The following NEXMIF variants were observed in gnomAD, a reference collection of about 807,000 sequenced individuals.
The protein encoded by NEXMIF is XLMR protein related to neurite extension.
Under a neutral mutation model 62.1 loss-of-function variants are expected in NEXMIF, and 8 were observed. The ratio of observed to expected loss-of-function variants is 0.13; its 90% CI spans 0.08 to 0.23. The LOEUF is 0.23. NEXMIF is among the 10% of genes least tolerant of loss of function. The pLI, the probability that NEXMIF is intolerant of heterozygous loss-of-function variation, is 1.00. For missense variants in NEXMIF, 976 were observed against 1,113.3 expected (o/e 0.88, Z 1.75); for synonymous variants, 404 against 416.6 (o/e 0.97, Z 0.37).
At chrX:74,879,890 C>T (rs1247837192) in intron 1 of NEXMIF, among the ~76,000 whole-genome samples, 1 of 111,898 alleles carries the variant, frequency 8.9e-6, no homozygotes, top group Admixed American at 9.5e-5. Flanking sequence ...AATCACCTAA[C>T]GCTTGGGATT....
At chrX:74,796,190 T>TTATATATATAATATATATTA (rs1489336352) in intron 1 of NEXMIF, among the ~76,000 whole-genome samples, 1 of 56,697 alleles carries the variant, frequency 1.8e-5, no homozygotes, top group East Asian at 4.1e-4. Flanking sequence ...TACATATATA[T>TTATATATATAATATATATTA]TATATATATA....
intron 1 of NEXMIF, among the ~76,000 whole-genome samples, chrX:74,880,208 A>T (rs1022964669): frequency 3.6e-5 from 4 of 112,110 alleles, no homozygotes; most frequent in African/African-American, 9.7e-5. Context: ...ATTGTGAATA[A>T]ACACTCTCTA....
intron 1 of NEXMIF, among the ~76,000 whole-genome samples, chrX:74,791,036 G>C (rs1437821808): frequency 2.7e-5 from 3 of 110,533 alleles, no homozygotes; most frequent in African/African-American, 6.6e-5. Flanking sequence ...GGTGAGAGAC[G>C]GCATCCCTGT....
rs764186197 is a variant in NEXMIF at position 74,847,757 on chromosome X, T to C, written c.-48+77126A>G. ...CATGCAGTCTTTAACACCTTCTTCA[T>C]TATTTTTAAAAAGTATCCATGTCAA... On this transcript the variant is annotated intron_variant, in intron 1 of 3. Coordinates refer to ENST00000055682, the MANE Select transcript of NEXMIF (RefSeq NM_001008537.3). 4.3e-4 allele frequency among the ~76,000 whole-genome samples: 48 copies of C among 111,816 alleles called. No individual in the cohort carries two copies. The Middle Eastern group carries it at 0.019, about 43-fold the overall frequency.
At position 74,903,127 on chromosome X, in the gene NEXMIF, A is replaced by G. The variant is rs1378000413; in HGVS notation, c.-48+21756T>C. On this transcript the variant is annotated intron_variant, in intron 1 of 3. Transcript: ENST00000055682. ...CATTGGTTTCTACAACCTGGAAGCA[A>G]GAGCACCCTATGGCCTAGCAAATAC... Among the ~76,000 whole-genome samples, 23 of 111,493 alleles carry G rather than the reference A, an allele frequency of 2.1e-4. No homozygotes were observed. The Admixed American group carries it at 2.2e-3, about 11-fold the overall frequency.
intron 1 of NEXMIF, among the ~76,000 whole-genome samples, chrX:74,872,199 G>A (rs979669929): frequency 4.5e-5 from 5 of 110,851 alleles, no homozygotes; most frequent in African/African-American, 9.8e-5. Context: ...CTGACTTCCC[G>A]CAACAAAAAT....
At chrX:74,887,142 A>G (rs1040628655) in intron 1 of NEXMIF, among the ~76,000 whole-genome samples, 1 of 112,462 alleles carries the variant, frequency 8.9e-6, no homozygotes, top group African/African-American at 3.2e-5. Context: ...CTTATACAAA[A>G]ATTAATTCAA....
At chrX:74,828,608 A>G (rs2080425943) in intron 1 of NEXMIF, among the ~76,000 whole-genome samples, 1 of 111,871 alleles carries the variant, frequency 8.9e-6, no homozygotes, top group African/African-American at 3.3e-5. Context: ...ACTTTAAGCA[A>G]TAGGAATATG....
At chrX:74,772,972 ATAGAT>A (rs902136322) in intron 1 of NEXMIF, among the ~76,000 whole-genome samples, 5 of 112,429 alleles carry the variant, frequency 4.4e-5, no homozygotes, top group African/African-American at 1.6e-4. Flanking sequence ...AGGAGAAAAC[ATAGAT>A]TAAAGTCTGC....
At chrX:74,785,076 G>A (rs1602226396) in intron 1 of NEXMIF, among the ~76,000 whole-genome samples, 1 of 111,214 alleles carries the variant, frequency 9.0e-6, no homozygotes, top group East Asian at 2.8e-4. Context: ...GGTATCCTCC[G>A]GTCTCTGACT....
At chrX:74,830,876 GCTA>G (rs2080434006) in intron 1 of NEXMIF, among the ~76,000 whole-genome samples, 2 of 111,540 alleles carry the variant, frequency 1.8e-5, no homozygotes, top group Non-Finnish European at 3.8e-5. Flanking sequence ...ATATAGAAAT[GCTA>G]CTGATTTTTG....
chrX:74,851,114 C>T (rs1323654429), intron 1 of NEXMIF, among the ~76,000 whole-genome samples: 7 of 109,291 alleles, frequency 6.4e-5, no homozygotes, highest in Admixed American at 2.0e-4. Flanking sequence ...CTAGATCAAG[C>T]AGAAGAAAAA....
intron 1 of NEXMIF, among the ~76,000 whole-genome samples, chrX:74,754,969 G>C (rs1317916683): frequency 8.9e-6 from 1 of 112,121 alleles, no homozygotes; most frequent in African/African-American, 3.2e-5. Flanking sequence ...AGCTGTTACA[G>C]GTAACTGGGA....
intron 1 of NEXMIF, among the ~76,000 whole-genome samples, chrX:74,819,580 G>GA (rs974125825): frequency 8.9e-6 from 1 of 111,895 alleles, no homozygotes; most frequent in Non-Finnish European, 1.9e-5. Flanking sequence ...ATAAACATCT[G>GA]AAAAAAAGCT....
intron 1 of NEXMIF, among the ~76,000 whole-genome samples, chrX:74,793,594 C>T (rs1238807774): frequency 9.0e-6 from 1 of 110,710 alleles, no homozygotes; most frequent in African/African-American, 3.3e-5. Context: ...TCCATTCTCC[C>T]CGTCACTTTC....
At chrX:74,893,814 G>A (rs1285704023) in intron 1 of NEXMIF, among the ~76,000 whole-genome samples, 2 of 112,065 alleles carry the variant, frequency 1.8e-5, no homozygotes, top group Non-Finnish European at 3.8e-5. Context: ...GGGCCATTTG[G>A]ACCTGGAGTC....
intron 1 of NEXMIF, among the ~76,000 whole-genome samples, chrX:74,891,405 C>T (rs758970604): frequency 4.3e-4 from 47 of 109,668 alleles, no homozygotes; most frequent in Non-Finnish European, 7.6e-5. Flanking sequence ...AACTAAAATG[C>T]TTAAGAGGTA....
chrX:74,905,890 T>A (rs2080766901), intron 1 of NEXMIF, among the ~76,000 whole-genome samples: 1 of 112,277 alleles, frequency 8.9e-6, no homozygotes, highest in Non-Finnish European at 1.9e-5. Context: ...TTGAACTATT[T>A]CTTTTCCCTA....
intron 1 of NEXMIF, among the ~76,000 whole-genome samples, chrX:74,878,351 G>T (rs746387015): frequency 1.8e-5 from 2 of 112,247 alleles, no homozygotes; most frequent in South Asian, 7.4e-4. Flanking sequence ...CCCGTTCTCA[G>T]ATCTCCAGCT....
Sources: gnomAD v4.1 joint callset for allele counts (sites outside exome capture counted in the v4.1 genomes callset) on GRCh38, gnomAD v4.1.1 for gene constraint, MANE v1.5 for transcripts, NCBI Gene and HGNC (gene_info 2026-07-23, HGNC 2026-07-21) for gene names.